The following ABHD18 variants were observed in gnomAD, a reference collection of about 807,000 sequenced individuals.
The protein encoded by ABHD18 is cardiolipin-specific deacylase, mitochondrial.
Under a neutral mutation model 65.9 loss-of-function variants are expected in ABHD18, and 55 were observed. The observed-to-expected ratio is 0.84, with a 90% CI of 0.67 to 1.05. ABHD18 has a LOEUF of 1.05. Ranked by LOEUF, ABHD18 falls within the 50% of genes least tolerant of loss-of-function variation. The probability of loss-of-function intolerance (pLI) is 0.00; values close to 1 mark genes in which losing one functional copy is unlikely to be tolerated. For synonymous variants in ABHD18, 181 were observed against 180.2 expected, an observed-to-expected ratio of 1.00 and a Z score of -0.04; for missense variants, 533 against 558.5, an observed-to-expected ratio of 0.95 and a Z score of 0.46.
intron 12 of ABHD18, among the ~76,000 whole-genome samples, chr4:128,032,180 G>A (rs754016331): frequency 6.6e-6 from 1 of 152,204 alleles, no homozygotes; most frequent in Non-Finnish European, 1.5e-5. Context: ...CTATTATCAT[G>A]TGCCAGATGC....
intron 4 of ABHD18, among the ~76,000 whole-genome samples, chr4:128,007,899 T>C (rs548911312): frequency 6.6e-6 from 1 of 152,300 alleles, no homozygotes; most frequent in East Asian, 1.9e-4. Flanking sequence ...AAACTCTTAT[T>C]GATATATCAA....
At chr4:127,991,623 A>G (rs72618812) in intron 4 of ABHD18, among the ~76,000 whole-genome samples, 4,617 of 152,330 alleles carry the variant, frequency 0.03, 304 homozygotes, top group East Asian at 0.27. Flanking sequence ...TTATTTAAAA[A>G]GAACAAACTA....
chr4:128,005,793 G>A (rs1753497183), intron 4 of ABHD18, among the ~76,000 whole-genome samples: 1 of 152,052 alleles, frequency 6.6e-6, no homozygotes, highest in Admixed American at 6.5e-5. Flanking sequence ...CGGGAAATGG[G>A]AAGCCATGAA....
chr4:128,038,597 A>T lies in ABHD18; in HGVS notation c.*2784A>T, dbSNP rs1759072132. ...TCATCTCTTAACCAGATGTTTTAAGAATATATCCCTAGGCCGGGTGCAGTG... is the reference window on the plus strand; with the variant it reads ...TCATCTCTTAACCAGATGTTTTAAGTATATATCCCTAGGCCGGGTGCAGTG... On this transcript the variant is annotated 3_prime_UTR_variant, in exon 13 of 13. Transcript: ENST00000645843. 1 of 152,186 alleles carries T rather than the reference A, an allele frequency of 6.6e-6. No individual in the cohort carries two copies. Among genetic ancestry groups the T allele is most frequent in the African/African-American group, 2.4e-5 (1 of 41,444 alleles). The allele number at this position is 152,186 out of a possible 1,614,324, so 9.4% of individuals were successfully genotyped here. A position where few individuals can be genotyped will look rare whatever the true frequency, so the allele number is the denominator to read the frequency against.
chr4:128,009,021 T>C (rs771840263), intron 5 of ABHD18, 23 bp downstream of exon 5: 22 of 1,597,586 alleles, frequency 1.4e-5, no homozygotes, highest in Non-Finnish European at 8.5e-6. Context: ...TATAATGCCT[T>C]AATCTCTAGA....
chr4:128,012,769 A>G (rs1754791210), intron 7 of ABHD18, among the ~76,000 whole-genome samples: 2 of 152,064 alleles, frequency 1.3e-5, no homozygotes, highest in African/African-American at 2.4e-5. Flanking sequence ...AGATGAGGTC[A>G]GAAAGATAGG....
intron 3 of ABHD18, among the ~76,000 whole-genome samples, chr4:127,987,219 G>C (rs1464726543): frequency 6.6e-6 from 1 of 151,896 alleles, no homozygotes; most frequent in Non-Finnish European, 1.5e-5. Context: ...AGGTGTGGTG[G>C]TGCATGCCTG....
At chr4:128,030,879 T>C (rs1293246475) in intron 12 of ABHD18, 1 of 1,320,588 alleles carries the variant, frequency 7.6e-7, no homozygotes, top group Non-Finnish European at 9.6e-7. Context: ...CTAAGCATGA[T>C]GCATATTATA....
intron 7 of ABHD18, among the ~76,000 whole-genome samples, chr4:128,013,426 C>T (rs886469520): frequency 1.3e-4 from 20 of 151,898 alleles, no homozygotes; most frequent in African/African-American, 4.4e-4. Flanking sequence ...CTGGGCCGGG[C>T]GCAGTGGCTC....
intron 3 of ABHD18, among the ~76,000 whole-genome samples, chr4:127,988,776 A>G (rs1487640353): frequency 2.0e-5 from 3 of 152,198 alleles, no homozygotes; most frequent in Non-Finnish European, 2.9e-5. Context: ...GGCAGTATTG[A>G]AAGCTGGTGA....
At chr4:128,029,162 G>T (rs1006015023) in intron 11 of ABHD18, among the ~76,000 whole-genome samples, 4 of 151,686 alleles carry the variant, frequency 2.6e-5, no homozygotes, top group African/African-American at 9.7e-5. Context: ...GACCAGCCTG[G>T]GTAACATGGT....
intron 1 of ABHD18, among the ~76,000 whole-genome samples, chr4:127,980,071 G>A (rs987338910): frequency 1.2e-4 from 18 of 152,194 alleles, no homozygotes; most frequent in Admixed American, 6.5e-5. Context: ...TGGCTTAAAT[G>A]TGTTCCCGAT....
intron 4 of ABHD18, chr4:128,001,868 G>A (rs1489782045): frequency 4.9e-6 from 6 of 1,216,904 alleles, no homozygotes; most frequent in Admixed American, 3.7e-5. Context: ...AATTCCTTGT[G>A]CCTGCCACTC....
At chr4:127,993,907 T>A (rs1666608019) in intron 4 of ABHD18, among the ~76,000 whole-genome samples, 1 of 152,202 alleles carries the variant, frequency 6.6e-6, no homozygotes, top group South Asian at 2.1e-4. Context: ...TTTATAAGAT[T>A]TGCGCAGATT....
rs1759146243 is a variant in ABHD18 at position 128,039,173 on chromosome 4, A to G, written c.*3360A>G. 1 of 120,736 alleles carries G rather than the reference A, an allele frequency of 8.3e-6. No individual in the cohort carries two copies. Among genetic ancestry groups the G allele is most frequent in the Non-Finnish European group, 1.7e-5 (1 of 57,692 alleles). The allele number at this position is 120,736 out of a possible 1,614,324, so 7.5% of individuals were successfully genotyped here. ...TATATATATATATATATATATATAT[A>G]TATATATATATAATCTCAAAGAAGT... On this transcript the variant is annotated 3_prime_UTR_variant, in exon 13 of 13. Coordinates refer to ENST00000645843, the MANE Select transcript of ABHD18 (RefSeq NM_001358451.3).
chr4:127,967,112 G>A (rs919066073), intron 1 of ABHD18, among the ~76,000 whole-genome samples: 1 of 151,722 alleles, frequency 6.6e-6, no homozygotes, highest in African/African-American at 2.4e-5. Context: ...ATTCCTGGGG[G>A]CTAGCAATGT....
intron 7 of ABHD18, among the ~76,000 whole-genome samples, chr4:128,012,278 A>G (rs570509604): frequency 1.3e-5 from 2 of 152,164 alleles, no homozygotes; most frequent in South Asian, 4.1e-4. Context: ...TGCCCAGCCT[A>G]CCTTTTCCTT....
At chr4:127,987,874 A>G (rs908540693) in intron 3 of ABHD18, among the ~76,000 whole-genome samples, 1 of 152,170 alleles carries the variant, frequency 6.6e-6, no homozygotes, top group African/African-American at 2.4e-5. Context: ...CAATTAAAGT[A>G]TTGAACATAG....
intron 10 of ABHD18, among the ~76,000 whole-genome samples, chr4:128,028,148 C>T (rs1192855857): frequency 2.6e-5 from 4 of 152,176 alleles, no homozygotes; most frequent in Admixed American, 6.5e-5. Context: ...CCTCCCTTCT[C>T]CCAGTCTCTG....
Sources: allele counts gnomAD v4.1 joint callset (sites outside exome capture counted in the v4.1 genomes callset), GRCh38; gene constraint gnomAD v4.1.1; transcripts MANE v1.5; gene names NCBI Gene and HGNC (gene_info 2026-07-23, HGNC 2026-07-21).